Variants in ME1 observed in about 807,000 individuals in gnomAD.
ME1 encodes the protein NADP-dependent malic enzyme.
ME1 carries 74 observed loss-of-function variants against 66.4 expected under a neutral mutation model. The ratio of observed to expected loss-of-function variants is 1.11; its 90% CI spans 0.92 to 1.35. The LOEUF is 1.35. Among genes scored for constraint, ME1 ranks in the 40% most tolerant of loss-of-function variants. ME1 has a pLI of 0.00. For missense variants in ME1, 750 were observed against 694.1 expected (o/e 1.08, Z -0.90); for synonymous variants, 251 against 235.6 (o/e 1.07, Z -0.60).
intron 4 of ME1, among the ~76,000 whole-genome samples, chr6:83,349,441 T>G (rs1487100152): frequency 7.3e-6 from 1 of 137,744 alleles, no homozygotes; most frequent in African/African-American, 2.5e-5. Context: ...CAGTGATGTC[T>G]GTTTTTCAAA....
intron 1 of ME1, among the ~76,000 whole-genome samples, chr6:83,416,893 T>TA (rs34223363): frequency 0.039 from 4,775 of 123,874 alleles, 119 homozygotes; most frequent in Non-Finnish European, 0.051. Context: ...GAGATTTGTC[T>TA]AAAAAAAAAA....
chr6:83,266,739 A>G lies in ME1; in HGVS notation c.705-13001T>C, dbSNP rs76284801. Among the ~76,000 whole-genome samples the G allele has an allele frequency of 4.5e-3, 679 of 152,298 alleles. 5 individuals are homozygous for G. The highest frequency in any genetic ancestry group is 0.015 in the African/African-American group (639 of 41,580). Reference sequence around the variant, plus strand: ...TTCCATTGGCACCGGTATGGGTGCAATTACCTGCATGCCAATCTCTACCCA... The same window carrying G: ...TTCCATTGGCACCGGTATGGGTGCAGTTACCTGCATGCCAATCTCTACCCA... On this transcript the variant is annotated intron_variant, in intron 6 of 13. Transcript: ENST00000369705.
Position 83,315,405 on chromosome 6 carries a change from A to C in ME1, c.609T>G (p.Leu203=). The change falls in exon 6 of 14, where the codon CTT becomes CTG. Residue 203 remains leucine (L), a synonymous_variant. Coordinates refer to ENST00000369705, the MANE Select transcript of ME1 (RefSeq NM_002395.6). ...GTAGTCCAATGTAGAGTGGATCTTT[A>C]AGTAACTCCTATTAAAAAAAGTTAC... ...LDVGTENEEL[L]KDPLYIGLRQ... is the part of the protein sequence containing the mutation. The C allele has an allele frequency of 6.4e-7, 1 of 1,569,372 alleles. No homozygotes were observed. Among genetic ancestry groups the C allele is most frequent in the Non-Finnish European group, 8.7e-7 (1 of 1,150,310 alleles).
intron 5 of ME1, among the ~76,000 whole-genome samples, chr6:83,324,675 A>C (rs1027477043): frequency 6.7e-6 from 1 of 148,938 alleles, no homozygotes; most frequent in African/African-American, 2.5e-5. Context: ...TAGACCAATA[A>C]CAAGTTCTAA....
intron 2 of ME1, among the ~76,000 whole-genome samples, chr6:83,401,035 T>C (rs1769828302): frequency 6.6e-6 from 1 of 152,200 alleles, no homozygotes; most frequent in Non-Finnish European, 1.5e-5. Flanking sequence ...CAATGCAAAC[T>C]GGCCATAACT....
intron 6 of ME1, among the ~76,000 whole-genome samples, chr6:83,256,294 GA>G (rs1442883048): frequency 6.6e-5 from 10 of 152,250 alleles, no homozygotes; most frequent in African/African-American, 2.4e-4. Flanking sequence ...AAAATCTACA[GA>G]TTTTAAAAAA....
intron 6 of ME1, among the ~76,000 whole-genome samples, chr6:83,315,050 C>T (rs115499335): frequency 1.1e-4 from 17 of 152,118 alleles, no homozygotes; most frequent in African/African-American, 3.4e-4. Context: ...CATAATCATG[C>T]ATTTCAACAG....
intron 3 of ME1, among the ~76,000 whole-genome samples, chr6:83,363,752 C>T (rs1405393948): frequency 1.3e-5 from 2 of 152,156 alleles, no homozygotes; most frequent in African/African-American, 2.4e-5. Flanking sequence ...TATTTATACA[C>T]TTGTACTAAG....
rs978239593 is a variant in ME1 at position 83,339,976 on chromosome 6, A to G, written c.600+6197T>C. Among the ~76,000 whole-genome samples, 7 of 141,444 alleles carry G rather than the reference A, an allele frequency of 4.9e-5. 1 individual carries two copies. Among genetic ancestry groups the G allele is most frequent in the African/African-American group, 1.5e-4 (6 of 38,800 alleles). 92.8% of individuals were successfully genotyped at this position (141,444 alleles called of 152,430 possible). A position where few individuals can be genotyped will look rare whatever the true frequency, so the allele number is the denominator to read the frequency against. ...CCTAAAACTTAGAGTATAATAAAAA[A>G]AAAAAGAAAAGAAAAGAAATGTGAA... On this transcript the variant is annotated intron_variant, in intron 5 of 13. Transcript: ENST00000369705.
chr6:83,267,985 A>G (rs1767017352), intron 6 of ME1, among the ~76,000 whole-genome samples: 1 of 152,198 alleles, frequency 6.6e-6, no homozygotes, highest in African/African-American at 2.4e-5. Context: ...ATACTCCATT[A>G]GAGTTTATAC....
chr6:83,346,357 C>A, intron 4 of ME1, 23 bp from the exon 5 acceptor site: 2 of 1,552,398 alleles, frequency 1.3e-6, no homozygotes, highest in Non-Finnish European at 1.7e-6. Context: ...GAAAAATTAC[C>A]TATTAACAAG....
Position 83,345,652 on chromosome 6 carries a change from T to C in ME1, c.600+521A>G, listed in dbSNP as rs565713821. On this transcript the variant is annotated intron_variant, in intron 5 of 13. Coordinates refer to ENST00000369705, the MANE Select transcript of ME1 (RefSeq NM_002395.6). The stretch of plus-strand genomic sequence containing the variant: ...AGAATTCTATGTTTAACTTCTAGTA[T>C]CTAGTTAGCTAGTTAATCCTAAATA... Among the ~76,000 whole-genome samples, 24 of 152,214 alleles carry C rather than the reference T, an allele frequency of 1.6e-4. No homozygotes were observed. In the South Asian group the frequency reaches 4.6e-3, roughly 29 times the overall value.
intron 1 of ME1, among the ~76,000 whole-genome samples, chr6:83,419,472 C>T (rs182193034): frequency 3.3e-5 from 5 of 152,272 alleles, no homozygotes; most frequent in African/African-American, 1.2e-4. Flanking sequence ...GATTCATGTC[C>T]TGTATCAATA....
At chr6:83,236,941 G>T (rs1298308841) in intron 9 of ME1, among the ~76,000 whole-genome samples, 1 of 151,938 alleles carries the variant, frequency 6.6e-6, no homozygotes, top group South Asian at 2.1e-4. Context: ...GTTCATGCCT[G>T]TAAATCCCAG....
At chr6:83,270,265 A>G (rs564578695) in intron 6 of ME1, among the ~76,000 whole-genome samples, 11 of 152,190 alleles carry the variant, frequency 7.2e-5, no homozygotes, top group Admixed American at 3.9e-4. Flanking sequence ...TTTACATTCT[A>G]TATGTTCTAA....
At chr6:83,306,481 G>T (rs1173537453) in intron 6 of ME1, among the ~76,000 whole-genome samples, 1 of 151,956 alleles carries the variant, frequency 6.6e-6, no homozygotes, top group African/African-American at 2.4e-5. Context: ...AAGAGAAAAA[G>T]ATAGGTAACA....
At chr6:83,229,726 C>T (rs568946186) in intron 9 of ME1, among the ~76,000 whole-genome samples, 2 of 152,130 alleles carry the variant, frequency 1.3e-5, no homozygotes, top group African/African-American at 2.4e-5. Context: ...AGAATCACCC[C>T]GGGCAAAAAC....
At chr6:83,349,076 T>C (rs1338646206) in intron 4 of ME1, among the ~76,000 whole-genome samples, 1 of 151,248 alleles carries the variant, frequency 6.6e-6, no homozygotes, top group Non-Finnish European at 1.5e-5. Flanking sequence ...CTCAAAGCTA[T>C]TATTTATATT....
At chr6:83,318,612 C>T (rs2128539896) in intron 5 of ME1, among the ~76,000 whole-genome samples, 4 of 40,994 alleles carry the variant, frequency 9.8e-5, no homozygotes, top group South Asian at 9.1e-4. Flanking sequence ...GATACCATCT[C>T]ACACCAGTTA....
Sources: allele counts gnomAD v4.1 joint callset (sites outside exome capture counted in the v4.1 genomes callset), GRCh38; gene constraint gnomAD v4.1.1; transcripts MANE v1.5; gene names NCBI Gene and HGNC (gene_info 2026-07-23, HGNC 2026-07-21).